The following BLNK variants were observed in gnomAD, a reference collection of about 807,000 sequenced individuals.
BLNK encodes the protein B-cell linker protein.
A neutral mutation model predicts 73.5 loss-of-function variants in BLNK; 29 were observed. The ratio of observed to expected loss-of-function variants is 0.39; its 90% CI spans 0.29 to 0.54. The LOEUF is 0.54. Among genes scored for constraint, BLNK ranks in the 20% least tolerant of loss-of-function variants. The pLI is 0.61. For missense variants in BLNK, 460 were observed against 562.8 expected, an observed-to-expected ratio of 0.82 and a Z score of 1.85; for synonymous variants, 176 against 200.8, an observed-to-expected ratio of 0.88 and a Z score of 1.04.
chr10:96,204,205 G>A lies in BLNK; in HGVS notation c.903-117C>T, dbSNP rs2083735323. 31 of 1,129,208 alleles carry A rather than the reference G, an allele frequency of 2.7e-5. No homozygotes were observed. The South Asian group carries it at 4.1e-4, about 15-fold the overall frequency. The allele number at this position is 1,129,208 out of a possible 1,614,324, so 69.9% of individuals were successfully genotyped here. On this transcript the variant is annotated intron_variant, in intron 12 of 16. Transcript: ENST00000224337. ...CATCACAAATAAATCAATACAAATG[G>A]CCAATAAAATGTATCTAAAGATAAA...
At position 96,228,554 on chromosome 10, in the gene BLNK, G is replaced by A. The variant is rs1463081852; in HGVS notation, c.205-988C>T. ...TTACAGGCATGAGCCACTGCGCCTGGCCTGTTTTTTTAAAATCCACATTTC... is the reference window on the plus strand; with the variant it reads ...TTACAGGCATGAGCCACTGCGCCTGACCTGTTTTTTTAAAATCCACATTTC... On this transcript the variant is annotated intron_variant, in intron 4 of 16. Coordinates refer to ENST00000224337, the MANE Select transcript of BLNK (RefSeq NM_013314.4). 2.6e-5 allele frequency among the ~76,000 whole-genome samples: 4 copies of A among 152,156 alleles called. No homozygotes were observed. In the East Asian group the frequency reaches 5.8e-4, roughly 22 times the overall value.
At chr10:96,192,195 C>G in intron 16 of BLNK, 103 bp from the exon 17 acceptor site, 1 of 1,480,850 alleles carries the variant, frequency 6.8e-7, no homozygotes, top group Non-Finnish European at 9.3e-7. Context: ...AAAGTTATTA[C>G]ACCCCAGCTG....
rs1554898296 is a variant in BLNK, at chr10:96,209,823, G to A, written c.746+15C>T. The stretch of plus-strand genomic sequence containing the variant: ...CCCCAGATCTCAAAAGCTGCTTCCT[G>A]CAACAGGTACTTACCCGGCCCGTGG... On this transcript the variant is annotated intron_variant, in intron 9 of 16. Coordinates refer to ENST00000224337, the MANE Select transcript of BLNK (RefSeq NM_013314.4). 1 of 1,614,184 alleles carries A rather than the reference G, an allele frequency of 6.2e-7. No individual in the cohort carries two copies. Among genetic ancestry groups the A allele is most frequent in the Admixed American group, 1.7e-5 (1 of 60,032 alleles).
At chr10:96,198,691 T>A (rs1202299935) in intron 15 of BLNK, among the ~76,000 whole-genome samples, 2 of 152,210 alleles carry the variant, frequency 1.3e-5, no homozygotes, top group Admixed American at 6.5e-5. Flanking sequence ...AACAGTTTTT[T>A]AACTCTCTTT....
chr10:96,259,945 C>T (rs1298892555), intron 1 of BLNK, among the ~76,000 whole-genome samples: 7 of 152,036 alleles, frequency 4.6e-5, no homozygotes, highest in Non-Finnish European at 8.8e-5. Flanking sequence ...CTATACCTGC[C>T]TTAAGAAGTT....
Position 96,212,031 on chromosome 10 carries a change from C to A in BLNK, c.677-2124G>T, listed in dbSNP as rs185790853. On this transcript the variant is annotated intron_variant, in intron 8 of 16. Coordinates refer to ENST00000224337, the MANE Select transcript of BLNK (RefSeq NM_013314.4). ...GGCCACTATATTATCTTTGTCAGAC[C>A]TTCCTCCTGGCTTTTCTACTATGCT... Among the ~76,000 whole-genome samples the A allele has an allele frequency of 3.6e-3, 545 of 152,300 alleles. 14 individuals are homozygous for A. The highest frequency in any genetic ancestry group is 0.033 in the Admixed American group (503 of 15,304).
chr10:96,269,833 C>T (rs1465127874), intron 1 of BLNK, among the ~76,000 whole-genome samples: 1 of 152,152 alleles, frequency 6.6e-6, no homozygotes, highest in Non-Finnish European at 1.5e-5. Context: ...CTCACTATCC[C>T]ACAAATGGAC....
intron 3 of BLNK, among the ~76,000 whole-genome samples, chr10:96,234,468 G>A (rs1842626939): frequency 6.6e-6 from 1 of 152,174 alleles, no homozygotes; most frequent in Admixed American, 6.6e-5. Flanking sequence ...AAGTGCACAG[G>A]TGGTAGTTTA....
chr10:96,207,921 G>A (rs1422485114), intron 9 of BLNK, 22 bp from the exon 10 acceptor site: 5 of 1,613,162 alleles, frequency 3.1e-6, no homozygotes, highest in Non-Finnish European at 4.2e-6. Flanking sequence ...AAAGAGATGA[G>A]CTTTGTTAAA....
chr10:96,207,768 T>C (rs1387621494), intron 10 of BLNK, 104 bp downstream of exon 10: 1 of 1,385,214 alleles, frequency 7.2e-7, no homozygotes, highest in Non-Finnish European at 1.0e-6. Flanking sequence ...GTTGCTAAGA[T>C]TGCTGTGTTC....
At chr10:96,266,327 A>G (rs1387221979) in intron 1 of BLNK, among the ~76,000 whole-genome samples, 1 of 152,230 alleles carries the variant, frequency 6.6e-6, no homozygotes, top group Non-Finnish European at 1.5e-5. Flanking sequence ...CAATTGTATC[A>G]TAGTCCATTT....
intron 15 of BLNK, among the ~76,000 whole-genome samples, chr10:96,197,990 T>C (rs2083519148): frequency 6.6e-6 from 1 of 150,780 alleles, no homozygotes; most frequent in Non-Finnish European, 1.5e-5. Flanking sequence ...TTTATTAAAT[T>C]TTTTAATAAA....
At position 96,260,040 on chromosome 10, in the gene BLNK, G is replaced by A. The variant is rs141860593; in HGVS notation, c.47+11312C>T. 2.4e-4 allele frequency among the ~76,000 whole-genome samples: 37 copies of A among 152,230 alleles called. 1 individual carries two copies. Among genetic ancestry groups the A allele is most frequent in the African/African-American group, 8.9e-4 (37 of 41,534 alleles). Reference sequence around the variant, plus strand: ...ACTTTAGGGGCCAGTGGTCCTTGGGGCCTCCAGGAATACAACACTTCTCTT... The same window carrying A: ...ACTTTAGGGGCCAGTGGTCCTTGGGACCTCCAGGAATACAACACTTCTCTT... On this transcript the variant is annotated intron_variant, in intron 1 of 16. Transcript: ENST00000224337.
intron 9 of BLNK, among the ~76,000 whole-genome samples, chr10:96,208,442 A>G (rs145450514): frequency 1.3e-5 from 2 of 152,258 alleles, no homozygotes; most frequent in Non-Finnish European, 2.9e-5. Context: ...TTTCTTTCAG[A>G]GAGATCCGAA....
At chr10:96,198,175 A>G (rs587718323) in intron 15 of BLNK, among the ~76,000 whole-genome samples, 1 of 152,266 alleles carries the variant, frequency 6.6e-6, no homozygotes, top group Admixed American at 6.5e-5. Flanking sequence ...TGAAGATTTA[A>G]GAAATGACAC....
chr10:96,201,291 T>G (rs2083627173), intron 13 of BLNK, among the ~76,000 whole-genome samples: 1 of 152,154 alleles, frequency 6.6e-6, no homozygotes, highest in Non-Finnish European at 1.5e-5. Context: ...AACCCAATTT[T>G]CCTCATGTAG....
intron 10 of BLNK, 89 bp downstream of exon 10, chr10:96,207,783 T>C (rs1471408103): frequency 1.4e-5 from 21 of 1,495,788 alleles, no homozygotes; most frequent in Non-Finnish European, 2.0e-5. Flanking sequence ...GTGTTCACCA[T>C]AGCTGGAAGC....
intron 6 of BLNK, among the ~76,000 whole-genome samples, chr10:96,216,953 C>T (rs1170486792): frequency 6.6e-6 from 1 of 152,128 alleles, no homozygotes; most frequent in Non-Finnish European, 1.5e-5. Context: ...AAAAAGAAAC[C>T]TTGCACCCAT....
intron 3 of BLNK, among the ~76,000 whole-genome samples, chr10:96,231,472 G>T (rs1842496311): frequency 6.6e-6 from 1 of 152,150 alleles, no homozygotes; most frequent in Admixed American, 6.5e-5. Context: ...CAGCACTGTA[G>T]TCCCAGCACT....
Sources: gnomAD v4.1 joint callset for allele counts (sites outside exome capture counted in the v4.1 genomes callset) on GRCh38, gnomAD v4.1.1 for gene constraint, MANE v1.5 for transcripts, NCBI Gene and HGNC (gene_info 2026-07-23, HGNC 2026-07-21) for gene names.